The following PCLO variants were observed in gnomAD, a reference collection of about 807,000 sequenced individuals.
The protein encoded by PCLO is protein piccolo.
A neutral mutation model predicts 427.5 loss-of-function variants in PCLO; 82 were observed. The observed-to-expected ratio is 0.19, with a 90% CI of 0.16 to 0.23. The LOEUF is 0.23. Among genes scored for constraint, PCLO ranks in the 10% least tolerant of loss-of-function variants. PCLO has a pLI of 1.00. For missense variants in PCLO, 6,239 were observed against 6,115.9 expected, an observed-to-expected ratio of 1.02 and a Z score of -0.67; for synonymous variants, 2,357 against 2,155.4, an observed-to-expected ratio of 1.09 and a Z score of -2.59.
intron 3 of PCLO, among the ~76,000 whole-genome samples, chr7:82,982,595 T>C (rs1211596497): frequency 1.3e-5 from 2 of 150,946 alleles, no homozygotes; most frequent in Non-Finnish European, 2.9e-5. Flanking sequence ...AAACTTAATA[T>C]TGATTTTTTT....
chr7:82,958,735 A>G (rs1795589245), intron 4 of PCLO, among the ~76,000 whole-genome samples: 1 of 152,154 alleles, frequency 6.6e-6, no homozygotes, highest in Non-Finnish European at 1.5e-5. Context: ...GTTGATGAGC[A>G]CTTCACTCAT....
intron 22 of PCLO, among the ~76,000 whole-genome samples, chr7:82,797,838 A>T (rs1371528387): frequency 6.6e-6 from 1 of 152,126 alleles, no homozygotes; most frequent in Non-Finnish European, 1.5e-5. Flanking sequence ...AAAATTCATA[A>T]ACAACTTCTG....
intron 9 of PCLO, among the ~76,000 whole-genome samples, chr7:82,890,025 C>T (rs1449633214): frequency 2.0e-5 from 3 of 151,138 alleles, no homozygotes; most frequent in Admixed American, 2.0e-4. Flanking sequence ...AAATATTTTA[C>T]ATATTACAAT....
chr7:82,872,832 G>A (rs552984472), intron 10 of PCLO, among the ~76,000 whole-genome samples: 6 of 152,220 alleles, frequency 3.9e-5, no homozygotes, highest in South Asian at 2.1e-4. Context: ...TTACATGTAC[G>A]TTTTGATTAA....
intron 3 of PCLO, among the ~76,000 whole-genome samples, chr7:82,967,336 C>T (rs942117902): frequency 7.3e-5 from 11 of 151,696 alleles, no homozygotes; most frequent in African/African-American, 2.4e-4. Context: ...CACCCATGCC[C>T]GGCTAATTTT....
At chr7:82,876,869 T>C (rs1793386135) in intron 10 of PCLO, among the ~76,000 whole-genome samples, 1 of 152,090 alleles carries the variant, frequency 6.6e-6, no homozygotes, top group African/African-American at 2.4e-5. Context: ...GAACTGGACT[T>C]CAATCAGAGG....
At chr7:82,804,176 C>A (rs1791413760) in intron 21 of PCLO, among the ~76,000 whole-genome samples, 2 of 152,044 alleles carry the variant, frequency 1.3e-5, no homozygotes, top group Non-Finnish European at 2.9e-5. Context: ...CAAATTGGAT[C>A]ATCAGAAGTC....
chr7:82,881,865 C>A (rs1793516178), intron 9 of PCLO, among the ~76,000 whole-genome samples: 1 of 152,058 alleles, frequency 6.6e-6, no homozygotes, highest in South Asian at 2.1e-4. Context: ...CTGGTTTCAA[C>A]CTCCTAGGCT....
At chr7:82,758,826 G>A in intron 24 of PCLO, 111 bp from the exon 25 acceptor site, 1 of 621,318 alleles carries the variant, frequency 1.6e-6, no homozygotes, top group South Asian at 2.2e-5. Flanking sequence ...CACGAAAGAG[G>A]GTGACGCTGA....
chr7:83,009,818 G>A (rs1788035914), intron 3 of PCLO, among the ~76,000 whole-genome samples: 1 of 151,964 alleles, frequency 6.6e-6, no homozygotes, highest in African/African-American at 2.4e-5. Flanking sequence ...TATGCATGAT[G>A]TTTAAAAGCA....
intron 3 of PCLO, among the ~76,000 whole-genome samples, chr7:82,996,217 C>A (rs1190775288): frequency 1.3e-5 from 2 of 151,596 alleles, no homozygotes; most frequent in Non-Finnish European, 2.9e-5. Flanking sequence ...TTAATAGTAG[C>A]TAATTATAAA....
Position 82,953,316 on chromosome 7 carries a change from A to G in PCLO, c.7637T>C (p.Leu2546Ser). ...LSLTSSMTLN[L>S]VTSADYKLPS... Reference sequence around the variant, plus strand: ...CAATTTATAATCTGCTGAAGTCACTAAATTTAAGGTCATACTTGAAGTTAA... The same window carrying G: ...CAATTTATAATCTGCTGAAGTCACTGAATTTAAGGTCATACTTGAAGTTAA... Residue 2546 changes from leucine to serine, a missense_variant, in exon 5 of 25, where the codon TTA becomes TCA. This residue lies in a region of PCLO where 4,677 missense variants were observed against 4,468.4 expected (regional missense o/e 1.05). Coordinates refer to ENST00000333891, the MANE Select transcript of PCLO (RefSeq NM_033026.6). 3.7e-6 allele frequency: 6 copies of G among 1,613,822 alleles called. No individual in the cohort carries two copies. The South Asian group carries it at 6.6e-5, about 18-fold the overall frequency.
chr7:83,012,314 T>G (rs1368445933), intron 3 of PCLO, among the ~76,000 whole-genome samples: 2 of 152,052 alleles, frequency 1.3e-5, no homozygotes, highest in Non-Finnish European at 2.9e-5. Context: ...AGTTGACTGA[T>G]AATTGTTTTT....
chr7:83,112,027 T>C (rs1250653975), intron 3 of PCLO, among the ~76,000 whole-genome samples: 2 of 136,920 alleles, frequency 1.5e-5, no homozygotes, highest in Non-Finnish European at 3.3e-5. Context: ...AATTAGGAAA[T>C]GTCTGGGTTT....
At chr7:83,060,568 T>A (rs1789518600) in intron 3 of PCLO, among the ~76,000 whole-genome samples, 1 of 152,096 alleles carries the variant, frequency 6.6e-6, no homozygotes, top group African/African-American at 2.4e-5. Context: ...CTGATGTCAG[T>A]GGGGAACTTA....
At chr7:82,800,870 C>T (rs552319253) in intron 22 of PCLO, among the ~76,000 whole-genome samples, 57 of 152,114 alleles carry the variant, frequency 3.7e-4, no homozygotes, top group African/African-American at 1.3e-3. Context: ...CAGGCGTGAG[C>T]CACCGTGCCC....
At position 82,916,422 on chromosome 7, in the gene PCLO, C is replaced by T. The variant is rs768809780; in HGVS notation, c.11564G>A (p.Arg3855Gln). 1.1e-5 allele frequency: 17 copies of T among 1,613,518 alleles called. No homozygotes were observed. The highest frequency in any genetic ancestry group is 1.3e-5 in the Non-Finnish European group (15 of 1,179,754). Residue 3855 changes from arginine to glutamine, a missense_variant, in exon 7 of 25, where the codon CGA becomes CAA. Physicochemically the swap from Arg to Gln is conservative, Grantham distance 43 (BLOSUM62 1). Around this residue, in one of 5 missense-constraint regions of PCLO, gnomAD observed 680 missense variants for 677.3 expected, o/e 1.00. Coordinates refer to ENST00000333891, the MANE Select transcript of PCLO (RefSeq NM_033026.6). ...TRIESQHGIE[R>Q]PRTAPQTEFS... ...TTCAGTTTGGGGAGCAGTTCTTGGT[C>T]GCTCAATGCCATGCTGACTTTCTAT...
intron 6 of PCLO, among the ~76,000 whole-genome samples, chr7:82,944,136 A>AT (rs1199976900): frequency 4.4e-5 from 5 of 112,378 alleles, no homozygotes; most frequent in East Asian, 2.7e-4. Context: ...ACAAGAATCC[A>AT]TAAAAAAAAA....
chr7:82,915,798 C>G lies in PCLO; in HGVS notation c.12188G>C (p.Ser4063Thr), dbSNP rs952067502. ...CTTTTCATGAAGGCTAAATGCGGTG[C>G]TTAATGCCGCTGTTCCTTTGGTGAT... is the stretch of plus-strand genomic sequence containing the variant. ...GEITKGTAAL[S>T]TAFSLHEKDL... Residue 4063 changes from serine (S) to threonine (T), a missense_variant, in exon 7 of 25, where the codon AGC becomes ACC. By Grantham distance (58) the Ser-to-Thr change is moderately conservative. Coordinates refer to ENST00000333891, the MANE Select transcript of PCLO (RefSeq NM_033026.6). The G allele has an allele frequency of 6.2e-7, 1 of 1,612,888 alleles. No homozygotes were observed. Among genetic ancestry groups the G allele is most frequent in the Non-Finnish European group, 8.5e-7 (1 of 1,179,362 alleles).
Sources: gnomAD v4.1 joint callset for allele counts (sites outside exome capture counted in the v4.1 genomes callset) on GRCh38, gnomAD v4.1.1 for gene constraint, gnomAD v4.1.1 regional missense constraint, MANE v1.5 for transcripts, NCBI Gene and HGNC (gene_info 2026-07-23, HGNC 2026-07-21) for gene names.